Variants in XRCC3 observed in about 807,000 individuals in gnomAD.
XRCC3 encodes DNA repair protein XRCC3.
Under a neutral mutation model 29.2 loss-of-function variants are expected in XRCC3, and 34 were observed. That is an observed-to-expected ratio of 1.16 (90% CI 0.88 to 1.55). The LOEUF (loss-of-function observed/expected upper bound fraction) is 1.55, where lower values mean the gene tolerates loss of function less well. Ranked by LOEUF, XRCC3 falls within the 40% of genes most tolerant of loss-of-function variation. The pLI, the probability that XRCC3 is intolerant of heterozygous loss-of-function variation, is 0.00. For synonymous variants in XRCC3, 223 were observed against 211.3 expected (o/e 1.06, Z -0.48); for missense variants, 463 against 467.6 (o/e 0.99, Z 0.09).
chr14:103,699,325 A>C, intron 8 of XRCC3, 39 bp downstream of exon 8: 1 of 1,563,634 alleles, frequency 6.4e-7, no homozygotes, highest in Non-Finnish European at 8.7e-7. Flanking sequence ...CCTGGCTAAA[A>C]ATACGAGCTC....
In XRCC3 at chr14:103,710,662, A is replaced by AC. The variant is rs1270533923; in HGVS notation, c.55+370dup. 8.5e-5 allele frequency: 18 copies of AC among 210,656 alleles called. No homozygotes were observed. The East Asian group carries it at 2.3e-3, about 27-fold the overall frequency. The allele number at this position is 210,656 out of a possible 1,614,324, so 13.0% of individuals were successfully genotyped here. ...AGGCTGAGGCAGGAGAATGGTGTGA[A>AC]CCCCGGGAGGCGGAGCTTGCACTGA... On this transcript the variant is annotated intron_variant, in intron 4 of 9. Transcript: ENST00000555055.
intron 4 of XRCC3, 152 bp downstream of exon 4, chr14:103,710,881 C>CCT: frequency 1.4e-6 from 1 of 704,680 alleles, no homozygotes; most frequent in Middle Eastern, 2.3e-4. Context: ...CACACACACA[C>CCT]ACCTGAAAAT....
chr14:103,703,550 C>G lies in XRCC3; in HGVS notation c.407-223G>C. ...CTCAGGAGGAATATGGGCTGGGTCT[C>G]CACTTCTGACACCCAGGCAAGGACT... On this transcript the variant is annotated intron_variant, in intron 6 of 9. Transcript: ENST00000555055. 5.2e-6 allele frequency: 3 copies of G among 580,336 alleles called. No individual in the cohort carries two copies. In the South Asian group the frequency reaches 5.7e-5, roughly 11 times the overall value. The allele number at this position is 580,336 out of a possible 1,614,324, so 35.9% of individuals were successfully genotyped here.
intron 7 of XRCC3, chr14:103,702,487 C>T (rs1351405600): frequency 1.3e-5 from 2 of 154,826 alleles, no homozygotes; most frequent in Non-Finnish European, 2.9e-5. Context: ...GGGCCCACAG[C>T]CCAGAGGAGG....
chr14:103,709,014 G>A, intron 4 of XRCC3: 1 of 360,888 alleles, frequency 2.8e-6, no homozygotes, highest in South Asian at 2.2e-5. Context: ...ATGCCAGCTG[G>A]AGACAGTGCT....
Position 103,699,446 on chromosome 14 carries a change from C to T in XRCC3, c.692G>A (p.Arg231Lys). ...CEFDSQASAPRARHLQSLGAT... is the reference protein window; with the variant it reads ...CEFDSQASAPKARHLQSLGAT... The stretch of plus-strand genomic sequence containing the variant: ...CCCCAGGGACTGCAGATGCCTGGCC[C>T]TGGGGGCGGAGGCCTGGCTGTCAAA... The change falls in exon 8 of 10, where the codon AGG becomes AAG. Residue 231 changes from arginine (R) to lysine (K), a missense_variant. Physicochemically the swap from Arg to Lys is conservative, Grantham distance 26 (BLOSUM62 2). Coordinates refer to ENST00000555055, the MANE Select transcript of XRCC3 (RefSeq NM_005432.4). 1 of 1,612,942 alleles carries T rather than the reference C, an allele frequency of 6.2e-7. No individual in the cohort carries two copies. The highest frequency in any genetic ancestry group is 8.5e-7 in the Non-Finnish European group (1 of 1,179,982).
chr14:103,699,321 T>A, intron 8 of XRCC3, 43 bp downstream of exon 8: 1 of 1,560,334 alleles, frequency 6.4e-7, no homozygotes, highest in African/African-American at 1.4e-5. Context: ...GCATCCTGGC[T>A]AAAAATACGA....
intron 5 of XRCC3, chr14:103,707,611 T>C: frequency 2.9e-6 from 1 of 342,714 alleles, no homozygotes; most frequent in East Asian, 7.1e-5. Flanking sequence ...GCGGCTTTAA[T>C]GGGCTCCCGC....
At chr14:103,706,815 G>T (rs1485233311) in intron 6 of XRCC3, 188 bp downstream of exon 6, 1 of 729,718 alleles carries the variant, frequency 1.4e-6, no homozygotes, top group Non-Finnish European at 2.3e-6. Flanking sequence ...CCTGCTGTCA[G>T]CTGAGCCCAG....
rs1364798160 is a variant in XRCC3 at position 103,698,828 on chromosome 14, C to T, written c.1011G>A (p.Val337=). ...SCSYTISAEG[V]RGTPGTQSH ...GGGACTGGGTCCCAGGTGTCCCTCG[C>T]ACCCCTTCGGCACTGATCGTGTAGG... Residue 337 remains valine (V), a synonymous_variant, in exon 10 of 10, where the codon GTG becomes GTA. Coordinates refer to ENST00000555055, the MANE Select transcript of XRCC3 (RefSeq NM_005432.4). 3.7e-6 allele frequency: 6 copies of T among 1,605,244 alleles called. No homozygotes were observed. The highest frequency in any genetic ancestry group is 1.7e-4 in the Middle Eastern group (1 of 5,930).
intron 1 of XRCC3, chr14:103,714,134 G>A (rs183245941): frequency 1.4e-4 from 22 of 152,610 alleles, no homozygotes; most frequent in Admixed American, 1.3e-3. Context: ...CCCATCCATG[G>A]AGGCCCTGCT....
At position 103,698,420 on chromosome 14, in the gene XRCC3, G is replaced by C; in HGVS notation, c.*378C>G. ...GGGGTCTGAGGCCCCAGCCCAGGGG[G>C]CAGGCCTCAGACGCAACCCCAGTTG... On this transcript the variant is annotated 3_prime_UTR_variant, in exon 10 of 10. Transcript: ENST00000555055. 1 of 320,010 alleles carries C rather than the reference G, an allele frequency of 3.1e-6. No individual in the cohort carries two copies. The highest frequency in any genetic ancestry group is 8.6e-5 in the East Asian group (1 of 11,680). The allele number at this position is 320,010 out of a possible 1,614,324, so 19.8% of individuals were successfully genotyped here.
intron 4 of XRCC3, 141 bp from the exon 5 acceptor site, chr14:103,708,800 C>T (rs535113950): frequency 9.0e-7 from 1 of 1,115,622 alleles, no homozygotes; most frequent in Non-Finnish European, 1.3e-6. Flanking sequence ...GGGACCGGAT[C>T]CCCTGCTCCC....
rs1335697991 is a variant in XRCC3, at chr14:103,699,133, C to T, written c.821G>A (p.Gly274Glu). The change falls in exon 9 of 10, where the codon GGG becomes GAG. Residue 274 changes from glycine to glutamate, a missense_variant and splice_region_variant. Transcript: ENST00000555055. ...GCACACACCACATGGCTGCACTCAC[C>T]CCAGCGGCCCGTGTGCTGCGCCCTG... ...EEQGAAHGPL[G>E]FWDERVSPAL... The T allele has an allele frequency of 4.5e-6, 7 of 1,572,546 alleles. No homozygotes were observed. The East Asian group carries it at 7.0e-5, about 16-fold the overall frequency.
intron 7 of XRCC3, chr14:103,701,366 G>A: frequency 1.4e-6 from 1 of 708,548 alleles, no homozygotes. Context: ...CACACGGCTG[G>A]CGTGACCTTG....
At chr14:103,706,203 T>C (rs577957672) in intron 6 of XRCC3, 23 of 411,248 alleles carry the variant, frequency 5.6e-5, no homozygotes, top group African/African-American at 2.9e-4. Flanking sequence ...GGGATGACGC[T>C]GACCTGAGGG....
intron 1 of XRCC3, chr14:103,714,397 C>A (rs763551239): frequency 3.3e-5 from 5 of 150,870 alleles, no homozygotes; most frequent in African/African-American, 1.2e-4. Flanking sequence ...GAGGCCAAGG[C>A]GGCCAAGGTC....
At position 103,711,139 on chromosome 14, in the gene XRCC3, C is replaced by A; in HGVS notation, c.-52G>T. On this transcript the variant is annotated 5_prime_UTR_variant, in exon 4 of 10. Transcript: ENST00000555055. ...GAATAACTTCCCAGGAAAGACAGAA[C>A]AATGGATGCAAATTCTGAGGCACTC... The A allele has an allele frequency of 6.2e-7, 1 of 1,600,598 alleles. No homozygotes were observed. Among genetic ancestry groups the A allele is most frequent in the East Asian group, 2.2e-5 (1 of 44,800 alleles).
At chr14:103,700,997 G>A (rs2083147919) in intron 7 of XRCC3, among the ~76,000 whole-genome samples, 1 of 152,220 alleles carries the variant, frequency 6.6e-6, no homozygotes, top group African/African-American at 2.4e-5. Flanking sequence ...CCAGACGCAG[G>A]CCTTTGGTGC....
Sources: allele counts gnomAD v4.1 joint callset (sites outside exome capture counted in the v4.1 genomes callset), GRCh38; gene constraint gnomAD v4.1.1; transcripts MANE v1.5; gene names NCBI Gene and HGNC (gene_info 2026-07-23, HGNC 2026-07-21).